TARS3: variants seen among roughly 807,000 people sequenced by gnomAD.
TARS3 encodes the protein threonyl-tRNA synthetase 3.
A neutral mutation model predicts 103.5 loss-of-function variants in TARS3; 94 were observed. The observed-to-expected ratio is 0.91, with a 90% CI of 0.77 to 1.08. TARS3 has a LOEUF of 1.08. TARS3 is among the 50% of genes least tolerant of loss of function. The pLI, the probability that TARS3 is intolerant of heterozygous loss-of-function variation, is 0.00. For synonymous variants in TARS3, 416 were observed against 355.4 expected, an observed-to-expected ratio of 1.17 and a Z score of -1.92; for missense variants, 952 against 995.2, an observed-to-expected ratio of 0.96 and a Z score of 0.58.
chr15:101,682,555 A>T (rs1898297941), intron 12 of TARS3, among the ~76,000 whole-genome samples: 1 of 152,090 alleles, frequency 6.6e-6, no homozygotes, highest in Non-Finnish European at 1.5e-5. Flanking sequence ...AATGTTGTTT[A>T]AATTTTTTGA....
At chr15:101,703,998 T>C in intron 7 of TARS3, 61 bp from the exon 8 acceptor site, 22 of 1,185,660 alleles carry the variant, frequency 1.9e-5, no homozygotes, top group Non-Finnish European at 2.7e-5. Flanking sequence ...CTATTCATTA[T>C]AAGCCATAAT....
At chr15:101,674,563 T>C (rs1047077299) in intron 13 of TARS3, among the ~76,000 whole-genome samples, 5 of 151,760 alleles carry the variant, frequency 3.3e-5, no homozygotes, top group African/African-American at 1.2e-4. Context: ...TCCCAGCACT[T>C]TGGGAGGCCG....
chr15:101,658,352 G>A (rs1287059382), intron 16 of TARS3, among the ~76,000 whole-genome samples: 3 of 138,184 alleles, frequency 2.2e-5, no homozygotes, highest in Middle Eastern at 3.9e-3. Context: ...AATTTATCTC[G>A]AAACAAAACA....
At chr15:101,660,114 C>G (rs899498855) in intron 16 of TARS3, among the ~76,000 whole-genome samples, 9 of 152,198 alleles carry the variant, frequency 5.9e-5, no homozygotes, top group African/African-American at 2.2e-4. Context: ...TTTGGAGGAA[C>G]TGGTTGCAGT....
chr15:101,703,120 C>T (rs868591074), intron 8 of TARS3, among the ~76,000 whole-genome samples: 1 of 152,192 alleles, frequency 6.6e-6, no homozygotes, highest in Non-Finnish European at 1.5e-5. Context: ...CTGGGACTGC[C>T]AAGTCAGTCC....
chr15:101,723,038 C>CA (rs1900568179), intron 2 of TARS3, 55 bp downstream of exon 2: 1 of 1,431,072 alleles, frequency 7.0e-7, no homozygotes, highest in South Asian at 1.1e-5. Context: ...TAACTATATA[C>CA]ACATATTTAA....
At chr15:101,714,052 G>A (rs776919782) in intron 4 of TARS3, among the ~76,000 whole-genome samples, 8 of 152,156 alleles carry the variant, frequency 5.3e-5, no homozygotes, top group Non-Finnish European at 8.8e-5. Context: ...TGGACAGCTT[G>A]AAGGGCGACT....
chr15:101,654,737 A>T lies in TARS3; in HGVS notation c.2261-7T>A. 6.2e-7 allele frequency: 1 copy of T among 1,612,514 alleles called. No individual in the cohort carries two copies. Among genetic ancestry groups the T allele is most frequent in the Non-Finnish European group, 8.5e-7 (1 of 1,179,464 alleles). The stretch of plus-strand genomic sequence containing the variant: ...TTTTCCTTTTCTCCAACCACTGCAG[A>T]AAAGAAAGGTAAAGAAATGTATTTT... On this transcript the variant is annotated splice_polypyrimidine_tract_variant and splice_region_variant and intron_variant, in intron 18 of 18. Coordinates refer to ENST00000335968, the MANE Select transcript of TARS3 (RefSeq NM_152334.3).
chr15:101,719,009 T>G (rs1308664374), intron 3 of TARS3, among the ~76,000 whole-genome samples: 1 of 152,022 alleles, frequency 6.6e-6, no homozygotes, highest in Non-Finnish European at 1.5e-5. Context: ...ATGTGACAAG[T>G]GAGGGTAATG....
At chr15:101,656,107 CT>C in intron 18 of TARS3, 1 of 1,234,662 alleles carries the variant, frequency 8.1e-7, no homozygotes, top group South Asian at 1.3e-5. Context: ...AGAAATACTC[CT>C]GGTGAGGGTT....
intron 12 of TARS3, among the ~76,000 whole-genome samples, chr15:101,683,184 A>G (rs950183278): frequency 1.3e-5 from 2 of 151,520 alleles, no homozygotes; most frequent in African/African-American, 4.9e-5. Context: ...TTCTTTTTCT[A>G]TCTTAAGTAA....
intron 12 of TARS3, among the ~76,000 whole-genome samples, chr15:101,677,812 A>G (rs1341693484): frequency 1.3e-5 from 2 of 151,422 alleles, no homozygotes; most frequent in Non-Finnish European, 2.9e-5. Flanking sequence ...TTGTATTTTT[A>G]GTAGAGACAG....
intron 13 of TARS3, among the ~76,000 whole-genome samples, chr15:101,673,647 C>T (rs1420408775): frequency 6.6e-6 from 1 of 152,232 alleles, no homozygotes; most frequent in African/African-American, 2.4e-5. Context: ...TCCTCATTTC[C>T]TCTTCCTGCT....
rs1379795214 is a variant in TARS3, at chr15:101,653,597, C to T, written c.*985G>A. On this transcript the variant is annotated 3_prime_UTR_variant, in exon 19 of 19. Coordinates refer to ENST00000335968, the MANE Select transcript of TARS3 (RefSeq NM_152334.3). ...TCTGCACCTTATACTACTACACAAG[C>T]CTGATATATATTGTTTTGTTTGCCA... 1 of 152,220 alleles carries T rather than the reference C, an allele frequency of 6.6e-6. No homozygotes were observed. Among genetic ancestry groups the T allele is most frequent in the Non-Finnish European group, 1.5e-5 (1 of 68,042 alleles). 9.4% of individuals were successfully genotyped at this position (152,220 alleles called of 1,614,324 possible).
At chr15:101,666,470 A>C (rs1321729124) in intron 15 of TARS3, among the ~76,000 whole-genome samples, 1 of 133,930 alleles carries the variant, frequency 7.5e-6, no homozygotes, top group Non-Finnish European at 1.6e-5. Flanking sequence ...AGCAAGACTC[A>C]TCTCAAAAAA....
intron 10 of TARS3, among the ~76,000 whole-genome samples, chr15:101,697,359 A>G (rs571069281): frequency 3.3e-5 from 5 of 152,318 alleles, no homozygotes; most frequent in Non-Finnish European, 7.3e-5. Flanking sequence ...ATGGTGGGTA[A>G]CACTGTCACC....
At chr15:101,665,054 G>A (rs1313142517) in intron 15 of TARS3, among the ~76,000 whole-genome samples, 3 of 152,216 alleles carry the variant, frequency 2.0e-5, no homozygotes, top group African/African-American at 7.2e-5. Flanking sequence ...TATCCAATCT[G>A]AGAGATATAC....
At chr15:101,693,113 A>G (rs1426378025) in intron 10 of TARS3, among the ~76,000 whole-genome samples, 1 of 152,244 alleles carries the variant, frequency 6.6e-6, no homozygotes, top group African/African-American at 2.4e-5. Flanking sequence ...GTGGGAATGC[A>G]AAACAGTAGT....
intron 18 of TARS3, among the ~76,000 whole-genome samples, chr15:101,656,290 T>G (rs912967733): frequency 2.6e-5 from 4 of 152,226 alleles, no homozygotes; most frequent in African/African-American, 9.6e-5. Context: ...TGTCAAACAT[T>G]ATCATTGAAA....
Sources: allele counts gnomAD v4.1 joint callset (sites outside exome capture counted in the v4.1 genomes callset), GRCh38; gene constraint gnomAD v4.1.1; transcripts MANE v1.5; gene names NCBI Gene and HGNC (gene_info 2026-07-23, HGNC 2026-07-21).